MAGI3: variants seen among roughly 807,000 people sequenced by gnomAD.
MAGI3 encodes the protein membrane-associated guanylate kinase, WW and PDZ domain-containing protein 3.
A neutral mutation model predicts 121.8 loss-of-function variants in MAGI3; 43 were observed. The ratio of observed to expected loss-of-function variants is 0.35; its 90% CI spans 0.28 to 0.46. The LOEUF (loss-of-function observed/expected upper bound fraction) is 0.46. MAGI3 is among the 20% of genes least tolerant of loss of function. The pLI, the probability that MAGI3 is intolerant of heterozygous loss-of-function variation, is 1.00. For missense variants in MAGI3, 1,547 were observed against 1,797.3 expected (o/e 0.86, Z 2.52); for synonymous variants, 553 against 639.3 (o/e 0.86, Z 2.04).
chr1:113,569,545 T>A (rs1292864172), intron 2 of MAGI3, among the ~76,000 whole-genome samples: 1 of 152,198 alleles, frequency 6.6e-6, no homozygotes, highest in Admixed American at 6.5e-5. Flanking sequence ...CAACCATGAC[T>A]CTATTTTCTT....
At chr1:113,484,210 C>T (rs1656242745) in intron 1 of MAGI3, among the ~76,000 whole-genome samples, 1 of 152,058 alleles carries the variant, frequency 6.6e-6, no homozygotes, top group Non-Finnish European at 1.5e-5. Context: ...TGATTCTAAT[C>T]CAGATTGAAT....
At chr1:113,603,192 A>T (rs1476147332) in intron 6 of MAGI3, among the ~76,000 whole-genome samples, 1 of 152,178 alleles carries the variant, frequency 6.6e-6, no homozygotes, top group East Asian at 1.9e-4. Context: ...ATTTGAGGCT[A>T]CTATGAATAA....
At chr1:113,589,634 T>G (rs1374987304) in intron 4 of MAGI3, among the ~76,000 whole-genome samples, 2 of 151,914 alleles carry the variant, frequency 1.3e-5, no homozygotes, top group Non-Finnish European at 2.9e-5. Context: ...ATGGTTGGAG[T>G]TGAAATACTA....
intron 1 of MAGI3, among the ~76,000 whole-genome samples, chr1:113,473,328 G>A (rs568510523): frequency 6.6e-6 from 1 of 152,116 alleles, no homozygotes; most frequent in South Asian, 2.1e-4. Flanking sequence ...TGATACATAG[G>A]TATACATGTG....
rs1652548187 is a variant in MAGI3 at position 113,641,803 on chromosome 1, T to A, written c.1361-108T>A. On this transcript the variant is annotated intron_variant, in intron 9 of 20. Transcript: ENST00000307546. ...ATCTTTTCAGCAGTTAATAGAGGTTTCCAAAATTCAAATTTAGTTGCTAAA... is the reference window on the plus strand; with the variant it reads ...ATCTTTTCAGCAGTTAATAGAGGTTACCAAAATTCAAATTTAGTTGCTAAA... 5.0e-6 allele frequency: 5 copies of A among 1,002,866 alleles called. No individual in the cohort carries two copies. In the South Asian group the frequency reaches 9.0e-5, roughly 18 times the overall value. 62.1% of individuals were successfully genotyped at this position (1,002,866 alleles called of 1,614,324 possible).
intron 15 of MAGI3, among the ~76,000 whole-genome samples, chr1:113,657,125 G>A (rs576709385): frequency 1.1e-4 from 16 of 152,232 alleles, no homozygotes; most frequent in Admixed American, 2.0e-4. Flanking sequence ...GCCAGGCTAT[G>A]AGACAGATTT....
intron 1 of MAGI3, among the ~76,000 whole-genome samples, chr1:113,401,059 T>C (rs1249822950): frequency 6.6e-6 from 1 of 152,166 alleles, no homozygotes; most frequent in Non-Finnish European, 1.5e-5. Context: ...TGTTTTCTTA[T>C]AAAGAACTTT....
At chr1:113,471,568 G>A (rs1488304651) in intron 1 of MAGI3, among the ~76,000 whole-genome samples, 7 of 151,932 alleles carry the variant, frequency 4.6e-5, no homozygotes, top group Non-Finnish European at 1.0e-4. Context: ...TTTTTAACAA[G>A]GAGAAGGAGT....
intron 1 of MAGI3, among the ~76,000 whole-genome samples, chr1:113,448,590 A>G (rs1321839037): frequency 6.6e-6 from 1 of 152,206 alleles, no homozygotes; most frequent in African/African-American, 2.4e-5. Context: ...CCTCAGATTA[A>G]TAGTGAGATT....
chr1:113,514,248 C>T (rs1657770551), intron 1 of MAGI3, among the ~76,000 whole-genome samples: 1 of 151,972 alleles, frequency 6.6e-6, no homozygotes, highest in Non-Finnish European at 1.5e-5. Context: ...CTAGAAATAC[C>T]ATTTGACCCA....
intron 9 of MAGI3, among the ~76,000 whole-genome samples, chr1:113,641,526 C>T (rs909478197): frequency 6.6e-6 from 1 of 151,838 alleles, no homozygotes; most frequent in Non-Finnish European, 1.5e-5. Flanking sequence ...ACAGTTTGTA[C>T]AAGTAGTCAG....
intron 6 of MAGI3, among the ~76,000 whole-genome samples, chr1:113,598,550 A>G (rs1053814347): frequency 3.1e-4 from 47 of 152,298 alleles, no homozygotes; most frequent in Non-Finnish European, 5.3e-4. Flanking sequence ...CAGAGAAAAC[A>G]GATTTTAAAG....
intron 6 of MAGI3, among the ~76,000 whole-genome samples, chr1:113,601,157 T>G (rs1033721534): frequency 3.0e-4 from 45 of 151,916 alleles, no homozygotes; most frequent in Admixed American, 3.0e-3. Context: ...GACATAGGCA[T>G]GGGCAAGGAC....
At chr1:113,407,491 C>T (rs563998310) in intron 1 of MAGI3, among the ~76,000 whole-genome samples, 33 of 151,872 alleles carry the variant, frequency 2.2e-4, no homozygotes, top group African/African-American at 7.5e-4. Context: ...GGAGATATAT[C>T]TACCACCAAG....
At chr1:113,561,878 C>A (rs899962384) in intron 2 of MAGI3, among the ~76,000 whole-genome samples, 2 of 152,074 alleles carry the variant, frequency 1.3e-5, no homozygotes, top group African/African-American at 4.8e-5. Flanking sequence ...CCGTTTCTGC[C>A]CAAAAGCTTC....
intron 1 of MAGI3, among the ~76,000 whole-genome samples, chr1:113,476,788 T>G (rs1273371866): frequency 6.6e-6 from 1 of 152,216 alleles, no homozygotes; most frequent in Non-Finnish European, 1.5e-5. Context: ...GTTAACCTTC[T>G]GTCTCATTGA....
At chr1:113,438,701 C>A (rs904487951) in intron 1 of MAGI3, among the ~76,000 whole-genome samples, 2 of 152,128 alleles carry the variant, frequency 1.3e-5, no homozygotes, top group African/African-American at 4.8e-5. Flanking sequence ...CTAGCTCTTA[C>A]GTAAACTAAT....
At chr1:113,552,771 G>A (rs1659837420) in intron 2 of MAGI3, among the ~76,000 whole-genome samples, 1 of 152,154 alleles carries the variant, frequency 6.6e-6, no homozygotes, top group African/African-American at 2.4e-5. Context: ...CACAAAAATT[G>A]AAGTGTCCAA....
intron 1 of MAGI3, among the ~76,000 whole-genome samples, chr1:113,434,093 G>A (rs1251760566): frequency 1.3e-5 from 2 of 152,102 alleles, no homozygotes; most frequent in Non-Finnish European, 2.9e-5. Context: ...TATTAGAGCT[G>A]TACCCTGGTA....
Sources: allele counts gnomAD v4.1 joint callset (sites outside exome capture counted in the v4.1 genomes callset), GRCh38; gene constraint gnomAD v4.1.1; transcripts MANE v1.5; gene names NCBI Gene and HGNC (gene_info 2026-07-23, HGNC 2026-07-21).